ROBO2: variants seen among roughly 807,000 people sequenced by gnomAD.
ROBO2 encodes the protein roundabout guidance receptor 2.
Under a neutral mutation model 160.8 loss-of-function variants are expected in ROBO2, and 53 were observed. That is an observed-to-expected ratio of 0.33 (90% CI 0.26 to 0.41). ROBO2 has a LOEUF of 0.41. Among genes scored for constraint, ROBO2 ranks in the 10% least tolerant of loss-of-function variants. The pLI, the probability that ROBO2 is intolerant of heterozygous loss-of-function variation, is 1.00. For missense variants in ROBO2, 1,577 were observed against 1,722.4 expected, an observed-to-expected ratio of 0.92 and a Z score of 1.49; for synonymous variants, 664 against 611.7, an observed-to-expected ratio of 1.09 and a Z score of -1.26.
At chr3:75,907,559 G>T (rs1261952878) in intron 1 of ROBO2, among the ~76,000 whole-genome samples, 1 of 152,148 alleles carries the variant, frequency 6.6e-6, no homozygotes, top group Admixed American at 6.6e-5. Flanking sequence ...TAGCTTAAAA[G>T]CCATGTTGGT....
At chr3:76,318,719 C>G (rs1457328124) in intron 2 of ROBO2, among the ~76,000 whole-genome samples, 1 of 152,070 alleles carries the variant, frequency 6.6e-6, no homozygotes, top group East Asian at 1.9e-4. Flanking sequence ...AATATTAGGT[C>G]TTAGTCCCAG....
chr3:76,486,698 G>A (rs2079517129), intron 2 of ROBO2, among the ~76,000 whole-genome samples: 1 of 152,050 alleles, frequency 6.6e-6, no homozygotes, highest in South Asian at 2.1e-4. Flanking sequence ...GATGTTTTAT[G>A]TTCCTGTTAT....
chr3:75,956,302 G>T (rs1006862200), intron 2 of ROBO2, among the ~76,000 whole-genome samples: 1 of 151,628 alleles, frequency 6.6e-6, no homozygotes, highest in Non-Finnish European at 1.5e-5. Flanking sequence ...TAGCTATATT[G>T]CTGGGATCTG....
chr3:76,438,602 A>G (rs1395012129), intron 2 of ROBO2, among the ~76,000 whole-genome samples: 3 of 152,096 alleles, frequency 2.0e-5, no homozygotes, highest in Non-Finnish European at 4.4e-5. Context: ...ACGAGTAAAA[A>G]TTAGTTTGAA....
chr3:76,642,477 T>C (rs1055040372), intron 2 of ROBO2, among the ~76,000 whole-genome samples: 1 of 149,100 alleles, frequency 6.7e-6, no homozygotes, highest in Non-Finnish European at 1.5e-5. Flanking sequence ...CTCAGCCTCC[T>C]GAGTACCTGG....
intron 5 of ROBO2, among the ~76,000 whole-genome samples, chr3:77,519,577 T>C (rs1161719314): frequency 1.3e-5 from 2 of 151,374 alleles, no homozygotes; most frequent in Admixed American, 1.3e-4. Context: ...TACCCAATTT[T>C]CACCTTCCAC....
intron 2 of ROBO2, among the ~76,000 whole-genome samples, chr3:76,318,534 GTTAT>G (rs2072238506): frequency 6.6e-6 from 1 of 152,024 alleles, no homozygotes; most frequent in Admixed American, 6.6e-5. Context: ...GCTTGGAGGG[GTTAT>G]TTAATTTTAA....
chr3:76,310,684 A>G (rs955648428), intron 2 of ROBO2, among the ~76,000 whole-genome samples: 1 of 152,222 alleles, frequency 6.6e-6, no homozygotes, highest in African/African-American at 2.4e-5. Flanking sequence ...CTATCCACAC[A>G]ATAGATTAAC....
At chr3:77,138,588 T>A (rs2076460537) in intron 2 of ROBO2, among the ~76,000 whole-genome samples, 1 of 152,216 alleles carries the variant, frequency 6.6e-6, no homozygotes, top group Admixed American at 6.5e-5. Context: ...TGTGAATAGA[T>A]AAAAGGATTC....
At chr3:76,516,377 G>A (rs1049468136) in intron 2 of ROBO2, among the ~76,000 whole-genome samples, 3 of 152,094 alleles carry the variant, frequency 2.0e-5, no homozygotes, top group African/African-American at 7.2e-5. Context: ...CTTCCCCACA[G>A]CTTTCAGAGC....
chr3:76,992,353 AT>A (rs2060720419), intron 2 of ROBO2, among the ~76,000 whole-genome samples: 2 of 71,026 alleles, frequency 2.8e-5, no homozygotes, highest in Non-Finnish European at 5.7e-5. Context: ...ATATATATAT[AT>A]ATATATATAT....
intron 2 of ROBO2, among the ~76,000 whole-genome samples, chr3:77,410,616 T>TCCTCC (rs1581726193): frequency 2.4e-3 from 126 of 51,564 alleles, no homozygotes; most frequent in Admixed American, 3.8e-3. Flanking sequence ...CTCTTCCTCC[T>TCCTCC]TCTTCTCCTC....
intron 2 of ROBO2, among the ~76,000 whole-genome samples, chr3:76,552,489 G>T (rs1311549900): frequency 6.6e-6 from 1 of 152,128 alleles, no homozygotes; most frequent in Non-Finnish European, 1.5e-5. Flanking sequence ...TTAATCCACA[G>T]CTTTCTTTTT....
chr3:77,189,925 T>C (rs1000345575), intron 2 of ROBO2, among the ~76,000 whole-genome samples: 1 of 151,942 alleles, frequency 6.6e-6, no homozygotes, highest in Admixed American at 6.6e-5. Flanking sequence ...GATGTAGTTC[T>C]ACCTTAAGTA....
chr3:76,880,474 TGTAA>T (rs1164920651), intron 2 of ROBO2, among the ~76,000 whole-genome samples: 2 of 152,156 alleles, frequency 1.3e-5, no homozygotes, highest in Non-Finnish European at 2.9e-5. Context: ...CCTGAAATGG[TGTAA>T]GTGTTTCTAT....
At chr3:76,817,730 A>G (rs2065798249) in intron 2 of ROBO2, among the ~76,000 whole-genome samples, 1 of 151,804 alleles carries the variant, frequency 6.6e-6, no homozygotes, top group Admixed American at 6.6e-5. Context: ...CGAATTATGA[A>G]TGAGAACATA....
At chr3:77,193,448 G>T (rs2082051842) in intron 2 of ROBO2, among the ~76,000 whole-genome samples, 3 of 121,650 alleles carry the variant, frequency 2.5e-5, no homozygotes, top group South Asian at 2.7e-4. Context: ...GCCCAGCTAA[G>T]TTTTTTTTTT....
intron 2 of ROBO2, among the ~76,000 whole-genome samples, chr3:76,423,193 G>A (rs955136401): frequency 2.6e-5 from 4 of 152,174 alleles, no homozygotes; most frequent in African/African-American, 9.7e-5. Flanking sequence ...TGAACAGGAA[G>A]AGGATGAAAT....
At chr3:77,413,553 T>C (rs1208019157) in intron 2 of ROBO2, among the ~76,000 whole-genome samples, 1 of 152,186 alleles carries the variant, frequency 6.6e-6, no homozygotes, top group African/African-American at 2.4e-5. Flanking sequence ...GATCTTGATG[T>C]TCAGTTGAGA....
Sources: allele counts gnomAD v4.1 joint callset (sites outside exome capture counted in the v4.1 genomes callset), GRCh38; gene constraint gnomAD v4.1.1; transcripts MANE v1.5; gene names NCBI Gene and HGNC (gene_info 2026-07-23, HGNC 2026-07-21).